COMMD10: variants seen among roughly 807,000 people sequenced by gnomAD.
COMMD10 encodes the protein COMM domain-containing protein 10.
A neutral mutation model predicts 28.9 loss-of-function variants in COMMD10; 33 were observed. That is an observed-to-expected ratio of 1.14 (90% CI 0.87 to 1.53). The LOEUF (loss-of-function observed/expected upper bound fraction) is 1.53, where lower values mean the gene tolerates loss of function less well. Ranked by LOEUF, COMMD10 falls within the 40% of genes most tolerant of loss-of-function variation. COMMD10 has a pLI of 0.00. For missense variants in COMMD10, 310 were observed against 233.4 expected, an observed-to-expected ratio of 1.33 and a Z score of -2.14; for synonymous variants, 110 against 81.7, an observed-to-expected ratio of 1.35 and a Z score of -1.87.
chr5:116,164,715 A>G (rs1481899492), intron 5 of COMMD10, among the ~76,000 whole-genome samples: 1 of 152,240 alleles, frequency 6.6e-6, no homozygotes, highest in Non-Finnish European at 1.5e-5. Flanking sequence ...TGAAATAGTA[A>G]AAAGAGTGTG....
chr5:116,103,727 T>C (rs754432720), intron 4 of COMMD10, among the ~76,000 whole-genome samples: 7 of 152,252 alleles, frequency 4.6e-5, no homozygotes, highest in Non-Finnish European at 8.8e-5. Flanking sequence ...AGTCATGAAG[T>C]CTTTGCCCAT....
chr5:116,202,047 C>A, intron 5 of COMMD10, among the ~76,000 whole-genome samples: 1 of 128,590 alleles, frequency 7.8e-6, no homozygotes, highest in Non-Finnish European at 1.6e-5. Flanking sequence ...TCCCCCCACC[C>A]CACAACAGTC....
intron 5 of COMMD10, among the ~76,000 whole-genome samples, chr5:116,251,218 T>G (rs943888699): frequency 1.3e-5 from 2 of 151,944 alleles, no homozygotes; most frequent in Non-Finnish European, 2.9e-5. Flanking sequence ...ATTAAGTATT[T>G]GTTCCCCATT....
At chr5:116,286,292 G>T in intron 5 of COMMD10, among the ~76,000 whole-genome samples, 1 of 149,026 alleles carries the variant, frequency 6.7e-6, no homozygotes, top group East Asian at 2.0e-4. Flanking sequence ...CAATTTTATT[G>T]ATCTTTTTAA....
At chr5:116,266,915 C>G (rs1036268500) in intron 5 of COMMD10, among the ~76,000 whole-genome samples, 2 of 151,880 alleles carry the variant, frequency 1.3e-5, no homozygotes, top group Non-Finnish European at 2.9e-5. Flanking sequence ...GCTAAACACT[C>G]TCAATAAATT....
intron 5 of COMMD10, among the ~76,000 whole-genome samples, chr5:116,239,915 C>G (rs1358979272): frequency 6.6e-6 from 1 of 152,072 alleles, no homozygotes; most frequent in East Asian, 1.9e-4. Flanking sequence ...CTACTTATAA[C>G]TTATAACTTA....
At chr5:116,119,255 T>G (rs543034304) in intron 4 of COMMD10, among the ~76,000 whole-genome samples, 1 of 152,370 alleles carries the variant, frequency 6.6e-6, no homozygotes, top group Non-Finnish European at 1.5e-5. Flanking sequence ...ACAGTGAGAC[T>G]AGGCCGACTT....
chr5:116,193,746 G>C (rs565716425), intron 5 of COMMD10, among the ~76,000 whole-genome samples: 1 of 151,842 alleles, frequency 6.6e-6, no homozygotes, highest in East Asian at 1.9e-4. Context: ...CTCCACTGAC[G>C]GTACTAGACA....
At chr5:116,162,730 A>G (rs939597708) in intron 5 of COMMD10, among the ~76,000 whole-genome samples, 1 of 152,182 alleles carries the variant, frequency 6.6e-6, no homozygotes, top group African/African-American at 2.4e-5. Context: ...TGTTTGGTCA[A>G]TTTTGTGAGA....
Position 116,245,504 on chromosome 5 carries a change from C to G in COMMD10, c.511-46013C>G, listed in dbSNP as rs139266026. 7.0e-3 allele frequency among the ~76,000 whole-genome samples: 1,061 copies of G among 152,124 alleles called. 14 individuals carry two copies. The highest frequency in any genetic ancestry group is 0.024 in the African/African-American group (984 of 41,496). Reference sequence around the variant, plus strand: ...AACTCATCCTGTGAGGCTAGCATCACCCTGATACCAAAACCTGGCAGAGAT... The same window carrying G: ...AACTCATCCTGTGAGGCTAGCATCAGCCTGATACCAAAACCTGGCAGAGAT... On this transcript the variant is annotated intron_variant, in intron 5 of 6. Transcript: ENST00000274458.
At chr5:116,229,300 T>A (rs1298799456) in intron 5 of COMMD10, among the ~76,000 whole-genome samples, 1 of 151,988 alleles carries the variant, frequency 6.6e-6, no homozygotes, top group Non-Finnish European at 1.5e-5. Context: ...TAGGGACAGG[T>A]ATTCATATGT....
At chr5:116,262,547 T>C (rs1750477042) in intron 5 of COMMD10, among the ~76,000 whole-genome samples, 1 of 151,764 alleles carries the variant, frequency 6.6e-6, no homozygotes, top group Admixed American at 6.6e-5. Context: ...GAAGATTGAA[T>C]TTAGGGCCAG....
chr5:116,116,703 ATTTTTTTT>A (rs70978604), intron 4 of COMMD10, among the ~76,000 whole-genome samples: 52,714 of 119,870 alleles, frequency 0.44, 11,182 homozygotes, highest in Non-Finnish European at 0.57. Context: ...AAATGCAGAG[ATTTTTTTT>A]TTTTTTTTTT....
chr5:116,131,250 A>G (rs1487963234), intron 4 of COMMD10, among the ~76,000 whole-genome samples: 2 of 152,028 alleles, frequency 1.3e-5, no homozygotes, highest in East Asian at 3.8e-4. Context: ...TTAGTATGGA[A>G]CTTCACAGCC....
rs182768777 is a variant in COMMD10 at position 116,242,481 on chromosome 5, A to T, written c.511-49036A>T. ...GCAACCCTGAGGGTTTGACATTATT[A>T]TTATCATCATCTTACAGGAAAGAGA... On this transcript the variant is annotated intron_variant, in intron 5 of 6. Coordinates refer to ENST00000274458, the MANE Select transcript of COMMD10 (RefSeq NM_016144.4). Among the ~76,000 whole-genome samples, 15 of 152,136 alleles carry T rather than the reference A, an allele frequency of 9.9e-5. No individual in the cohort carries two copies. In the East Asian group the frequency reaches 2.1e-3, roughly 22 times the overall value.
chr5:116,247,929 G>A (rs1749996133), intron 5 of COMMD10, among the ~76,000 whole-genome samples: 1 of 151,910 alleles, frequency 6.6e-6, no homozygotes, highest in Non-Finnish European at 1.5e-5. Flanking sequence ...GTTTACCTAT[G>A]TAGCAAATAT....
chr5:116,284,456 C>T (rs1022148305), intron 5 of COMMD10, among the ~76,000 whole-genome samples: 9 of 151,698 alleles, frequency 5.9e-5, no homozygotes, highest in Admixed American at 2.6e-4. Flanking sequence ...TCACAGCTGT[C>T]GTTTATGCCA....
chr5:116,146,936 G>C (rs186783930), intron 5 of COMMD10, among the ~76,000 whole-genome samples: 1 of 151,714 alleles, frequency 6.6e-6, no homozygotes, highest in African/African-American at 2.4e-5. Flanking sequence ...ATGATCCAAA[G>C]CTGCAACCTT....
intron 5 of COMMD10, among the ~76,000 whole-genome samples, chr5:116,202,226 T>C (rs1034885842): frequency 3.9e-5 from 6 of 152,060 alleles, no homozygotes; most frequent in African/African-American, 1.4e-4. Flanking sequence ...TCATCATTTT[T>C]ATGGCTGCAT....
Sources: allele counts gnomAD v4.1 joint callset (sites outside exome capture counted in the v4.1 genomes callset), GRCh38; gene constraint gnomAD v4.1.1; transcripts MANE v1.5; gene names NCBI Gene and HGNC (gene_info 2026-07-23, HGNC 2026-07-21).